The following CORO2B variants were observed in gnomAD, a reference collection of about 807,000 sequenced individuals.
CORO2B encodes the protein coronin 2B, also known as coronin-2B.
CORO2B carries 26 observed loss-of-function variants against 58.8 expected under a neutral mutation model. The ratio of observed to expected loss-of-function variants is 0.44; its 90% CI spans 0.32 to 0.61. The LOEUF is 0.61. Among genes scored for constraint, CORO2B ranks in the 20% least tolerant of loss-of-function variants. The probability of loss-of-function intolerance (pLI) is 0.04; values close to 1 mark genes in which losing one functional copy is unlikely to be tolerated. For synonymous variants in CORO2B, 242 were observed against 253.8 expected (o/e 0.95, Z 0.44); for missense variants, 460 against 645.1 (o/e 0.71, Z 3.11).
intron 1 of CORO2B, among the ~76,000 whole-genome samples, chr15:68,598,189 G>C (rs913597540): frequency 1.3e-5 from 2 of 152,240 alleles, no homozygotes; most frequent in Non-Finnish European, 2.9e-5. Context: ...CCTGGGCTCT[G>C]TAGGCAGCCC....
chr15:68,725,100 A>AGC (rs1288367094), intron 11 of CORO2B, among the ~76,000 whole-genome samples: 1 of 152,188 alleles, frequency 6.6e-6, no homozygotes, highest in Non-Finnish European at 1.5e-5. Flanking sequence ...CGGGCATGGT[A>AGC]GCTTACACCT....
chr15:68,706,991 C>T (rs1892800473), intron 3 of CORO2B, among the ~76,000 whole-genome samples: 1 of 152,132 alleles, frequency 6.6e-6, no homozygotes, highest in Non-Finnish European at 1.5e-5. Context: ...GACAGAGACT[C>T]ACTCTGTCGC....
chr15:68,704,801 G>A (rs555007277), intron 3 of CORO2B, among the ~76,000 whole-genome samples: 24 of 152,130 alleles, frequency 1.6e-4, no homozygotes, highest in Non-Finnish European at 2.9e-4. Context: ...AAAGGGGACA[G>A]TCCCCAGCAA....
At chr15:68,631,957 G>A (rs1900845353) in intron 1 of CORO2B, 1 of 985,480 alleles carries the variant, frequency 1.0e-6, no homozygotes. Context: ...CCTCAGCATC[G>A]CTGGAGTGGG....
chr15:68,722,792 G>T (rs192614733), intron 11 of CORO2B, among the ~76,000 whole-genome samples: 1 of 152,292 alleles, frequency 6.6e-6, no homozygotes, highest in East Asian at 1.9e-4. Flanking sequence ...TCATGGCTGG[G>T]CACGGTGGCT....
chr15:68,534,488 A>T, the CORO2B span, among the ~76,000 whole-genome samples: 5 of 152,384 alleles, frequency 3.3e-5, no homozygotes, highest in East Asian at 9.6e-4. Flanking sequence ...TAACTACTGG[A>T]TAATGAACTC....
At chr15:68,567,876 C>T in the CORO2B span, among the ~76,000 whole-genome samples, 32 of 152,154 alleles carry the variant, frequency 2.1e-4, no homozygotes, top group African/African-American at 6.0e-4. Flanking sequence ...AAAAATTAGT[C>T]GGGTTTGGTG....
chr15:68,670,859 T>A (rs929545995), intron 2 of CORO2B, among the ~76,000 whole-genome samples: 1 of 152,028 alleles, frequency 6.6e-6, no homozygotes, highest in African/African-American at 2.4e-5. Flanking sequence ...CTGACAGGAG[T>A]GTAAATTAGT....
intron 2 of CORO2B, among the ~76,000 whole-genome samples, chr15:68,692,720 G>A (rs750211362): frequency 4.1e-5 from 6 of 147,590 alleles, no homozygotes; most frequent in Non-Finnish European, 7.4e-5. Flanking sequence ...TGCAACCCTC[G>A]CCTCCTAGGT....
At chr15:68,700,854 A>G (rs974012018) in intron 3 of CORO2B, among the ~76,000 whole-genome samples, 13 of 152,144 alleles carry the variant, frequency 8.5e-5, no homozygotes, top group African/African-American at 3.1e-4. Flanking sequence ...GAGCGATCCC[A>G]GGAGAGAGGG....
intron 4 of CORO2B, 138 bp downstream of exon 4, chr15:68,711,019 TCA>T: frequency 9.7e-7 from 1 of 1,028,312 alleles, no homozygotes; most frequent in Non-Finnish European, 1.3e-6. Flanking sequence ...ATTCATTCAT[TCA>T]TTCGCTACAC....
At position 68,613,072 on chromosome 15, in the gene CORO2B, TG is replaced by T. The variant is rs556885912; in HGVS notation, c.16-32087del. Among the ~76,000 whole-genome samples, 121 of 152,334 alleles carry T rather than the reference TG, an allele frequency of 7.9e-4. 1 individual carries two copies. The South Asian group carries it at 0.013, about 16-fold the overall frequency. On this transcript the variant is annotated intron_variant, in intron 1 of 11. Coordinates refer to ENST00000261861, the MANE Select transcript of CORO2B (RefSeq NM_006091.5). The stretch of plus-strand genomic sequence containing the variant: ...CTCCTGATGGCCCTTCAGAGAAACC[TG>T]CTGCTTTCTGTCTTTCTGGAGAGGT...
At chr15:68,651,324 G>C (rs1901634795) in intron 2 of CORO2B, among the ~76,000 whole-genome samples, 1 of 152,232 alleles carries the variant, frequency 6.6e-6, no homozygotes, top group African/African-American at 2.4e-5. Flanking sequence ...TGGTGCAGGG[G>C]GTGCGGGGAG....
intron 1 of CORO2B, among the ~76,000 whole-genome samples, chr15:68,617,724 G>T (rs1292068661): frequency 1.3e-5 from 2 of 152,240 alleles, no homozygotes; most frequent in South Asian, 4.1e-4. Context: ...GTCTTAAGAG[G>T]GAGTCCTGGG....
intron 2 of CORO2B, among the ~76,000 whole-genome samples, chr15:68,660,855 A>G (rs1050087649): frequency 1.5e-4 from 23 of 152,052 alleles, no homozygotes; most frequent in Non-Finnish European, 2.9e-5. Context: ...TTTCTGTAAC[A>G]ATGATGGTAT....
rs767277479 is a variant in CORO2B, at chr15:68,725,821, C to T, written c.1312-22C>T. On this transcript the variant is annotated intron_variant, in intron 11 of 11. Coordinates refer to ENST00000261861, the MANE Select transcript of CORO2B (RefSeq NM_006091.5). ...TGCTCTCTCCTGGGCCCTCCTTGGC[C>T]CCCTCTCTTCCTCCACCCCAGCTCC... is the stretch of plus-strand genomic sequence containing the variant. The T allele has an allele frequency of 1.2e-5, 19 of 1,612,608 alleles. No individual in the cohort carries two copies. In the African/African-American group the frequency reaches 1.7e-4, roughly 15 times the overall value.
At chr15:68,718,656 A>G in intron 8 of CORO2B, 42 bp from the exon 9 acceptor site, 5 of 1,522,222 alleles carry the variant, frequency 3.3e-6, no homozygotes, top group Non-Finnish European at 4.5e-6. Flanking sequence ...ACTGAGACGC[A>G]GTTTCTGGGA....
At chr15:68,545,614 G>C in the CORO2B span, among the ~76,000 whole-genome samples, 6 of 151,590 alleles carry the variant, frequency 4.0e-5, no homozygotes, top group Non-Finnish European at 7.4e-5. Context: ...GCGGGGGGCG[G>C]GGGGGGTAAT....
At chr15:68,561,088 C>G in the CORO2B span, among the ~76,000 whole-genome samples, 1,583 of 152,158 alleles carry the variant, frequency 0.01, 16 homozygotes, top group Non-Finnish European at 0.015. Context: ...CACCCCGCGT[C>G]CCCCAGGCTC....
Sources: gnomAD v4.1 joint callset for allele counts (sites outside exome capture counted in the v4.1 genomes callset) on GRCh38, gnomAD v4.1.1 for gene constraint, MANE v1.5 for transcripts, NCBI Gene and HGNC (gene_info 2026-07-23, HGNC 2026-07-21) for gene names.